The following SLC52A1 variants were observed in gnomAD, a reference collection of about 807,000 sequenced individuals.
SLC52A1 encodes solute carrier family 52, riboflavin transporter, member 1.
Under a neutral mutation model 23.2 loss-of-function variants are expected in SLC52A1, and 20 were observed. The observed-to-expected ratio is 0.86, with a 90% CI of 0.61 to 1.25. SLC52A1 has a LOEUF of 1.25. Among genes scored for constraint, SLC52A1 ranks in the 50% most tolerant of loss-of-function variants. The probability of loss-of-function intolerance (pLI) is 0.00; values close to 1 mark genes in which losing one functional copy is unlikely to be tolerated. For synonymous variants in SLC52A1, 260 were observed against 256.6 expected, an observed-to-expected ratio of 1.01 and a Z score of -0.13; for missense variants, 528 against 557.0, an observed-to-expected ratio of 0.95 and a Z score of 0.52.
In SLC52A1 at chr17:5,033,828, G is replaced by A. The variant is rs1597876062; in HGVS notation, c.661C>T (p.Leu221=). Residue 221 remains leucine, a synonymous_variant, in exon 3 of 5, where the codon CTA becomes TTA. Transcript: ENST00000254853. ...FRGLLLLLPS[L]PSVTTGGSGP... is the part of the protein sequence containing the mutation. ...GAGCCCCCTGTGGTTACAGAGGGTA[G>A]TGATGGCAACAGCAACAGGAGACCC... The A allele has an allele frequency of 1.9e-6, 3 of 1,614,142 alleles. No homozygotes were observed. The highest frequency in any genetic ancestry group is 1.1e-5 in the South Asian group (1 of 91,094).
Position 5,033,095 on chromosome 17 carries a change from C to T in SLC52A1, c.1209G>A (p.Gly403=), listed in dbSNP as rs1184022632. The change falls in exon 5 of 5, where the codon GGG becomes GGA. Residue 403 remains glycine, a synonymous_variant. Transcript: ENST00000254853. ...KVAASSLLHG[G]GRPALLAAGV... ...CAGCTGCCAGCAATGCCGGCCGACCCCCACCATGCAGCAGGGAGCTTGCAG... is the reference window on the plus strand; with the variant it reads ...CAGCTGCCAGCAATGCCGGCCGACCTCCACCATGCAGCAGGGAGCTTGCAG... 2 of 1,613,772 alleles carry T rather than the reference C, an allele frequency of 1.2e-6. No individual in the cohort carries two copies. The highest frequency in any genetic ancestry group is 1.3e-5 in the African/African-American group (1 of 75,034).
rs1597874203 is a variant in SLC52A1 at position 5,032,715 on chromosome 17, C to G, written c.*242G>C. 2.2e-6 allele frequency: 1 copy of G among 457,450 alleles called. No individual in the cohort carries two copies. The highest frequency in any genetic ancestry group is 3.1e-5 in the East Asian group (1 of 31,956). 28.3% of individuals were successfully genotyped at this position (457,450 alleles called of 1,614,324 possible). A position where few individuals can be genotyped will look rare whatever the true frequency, so the allele number is the denominator to read the frequency against. ...TTTTAAATAAAAACACTTTATTGCACAAATCCCACAAAGGTCTCAGGCCCT... is the reference window on the plus strand; with the variant it reads ...TTTTAAATAAAAACACTTTATTGCAGAAATCCCACAAAGGTCTCAGGCCCT... On this transcript the variant is annotated 3_prime_UTR_variant, in exon 5 of 5. Coordinates refer to ENST00000254853, the MANE Select transcript of SLC52A1 (RefSeq NM_017986.4).
upstream of SLC52A1, among the ~76,000 whole-genome samples, chr17:5,035,681 G>GT (rs373073872): frequency 2.6e-5 from 4 of 152,236 alleles, no homozygotes; most frequent in African/African-American, 9.6e-5. Flanking sequence ...GGGTTTTGTT[G>GT]TTTGTTGTTT....
chr17:5,035,826 C>G (rs562146619), upstream of SLC52A1, among the ~76,000 whole-genome samples: 2 of 151,618 alleles, frequency 1.3e-5, no homozygotes, highest in Admixed American at 6.6e-5. Context: ...CTCCCCACCC[C>G]CCCACAAGTA....
rs759192144 is a variant in SLC52A1, at chr17:5,033,551, T to C, written c.938A>G (p.Tyr313Cys). The change falls in exon 3 of 5, where the codon TAC becomes TGC. Residue 313 changes from tyrosine to cysteine, a missense_variant. Coordinates refer to ENST00000254853, the MANE Select transcript of SLC52A1 (RefSeq NM_017986.4). The part of the protein sequence containing the change: ...FSCLPYGRLA[Y>C]HLAVVLGSAA... ...ACTGCCCAGCACCACAGCCAGGTGG[T>C]AGGCCAGGCGCCCATAGGGCAAACA... 1 of 1,613,862 alleles carries C rather than the reference T, an allele frequency of 6.2e-7. No homozygotes were observed. Among genetic ancestry groups the C allele is most frequent in the Non-Finnish European group, 8.5e-7 (1 of 1,180,000 alleles).
Position 5,033,860 on chromosome 17 carries a change from G to A in SLC52A1, c.629C>T (p.Ala210Val), listed in dbSNP as rs759895250. The A allele has an allele frequency of 2.5e-6, 4 of 1,614,138 alleles. No individual in the cohort carries two copies. Among genetic ancestry groups the A allele is most frequent in the Non-Finnish European group, 2.5e-6 (3 of 1,180,062 alleles). Residue 210 changes from alanine (A) to valine (V), a missense_variant, in exon 3 of 5, where the codon GCC (alanine) becomes GTC (valine). Ala to Val is a moderately conservative substitution (Grantham distance 64). Transcript: ENST00000254853. Reference sequence around the variant, plus strand: ...CAACAGCAACAGGAGACCCCGGAAGGCGGCAGCTGAAGTGACCAGAAGGGC... The same window carrying A: ...CAACAGCAACAGGAGACCCCGGAAGACGGCAGCTGAAGTGACCAGAAGGGC... Reference protein sequence around the residue: ...LTALLVTSAAAFRGLLLLLPS... With the variant: ...LTALLVTSAAVFRGLLLLLPS...
At chr17:5,041,293 T>C (rs1975541883) in intron 1 of SLC52A1, among the ~76,000 whole-genome samples, 1 of 151,876 alleles carries the variant, frequency 6.6e-6, no homozygotes, top group Non-Finnish European at 1.5e-5. Context: ...TATTTATTTA[T>C]TTATTTTGAG....
rs1366875466 is a variant in SLC52A1, at chr17:5,033,682, A to G, written c.807T>C (p.Pro269=). The G allele has an allele frequency of 6.2e-7, 1 of 1,613,992 alleles. No homozygotes were observed. The highest frequency in any genetic ancestry group is 1.1e-5 in the South Asian group (1 of 91,088). Reference sequence around the variant, plus strand: ...GGGCTGAGAACAGCTGATGGGCCTCAGGGTCTGGGCCAGGGATGGTGCCTG... The same window carrying G: ...GGGCTGAGAACAGCTGATGGGCCTCGGGGTCTGGGCCAGGGATGGTGCCTG... ...QAAGTIPGPD[P]EAHQLFSAHG... Residue 269 remains proline (P), a synonymous_variant, in exon 3 of 5, where the codon CCT becomes CCC. Coordinates refer to ENST00000254853, the MANE Select transcript of SLC52A1 (RefSeq NM_017986.4).
intron 1 of SLC52A1, among the ~76,000 whole-genome samples, chr17:5,042,297 C>T (rs1317524755): frequency 6.6e-6 from 1 of 152,122 alleles, no homozygotes; most frequent in African/African-American, 2.4e-5. Flanking sequence ...CCTCTTGAAC[C>T]CCTGTCCCAC....
At chr17:5,036,416 T>TGAGA (rs748361268), upstream of SLC52A1, among the ~76,000 whole-genome samples, 1 of 112,620 alleles carries the variant, frequency 8.9e-6, no homozygotes, top group Non-Finnish European at 1.9e-5. Flanking sequence ...TTTTTTTTTT[T>TGAGA]TTTTTTTTTT....
upstream of SLC52A1, among the ~76,000 whole-genome samples, chr17:5,035,667 G>A (rs181996550): frequency 7.2e-5 from 11 of 152,298 alleles, no homozygotes; most frequent in Non-Finnish European, 1.3e-4. Flanking sequence ...AGCCCACACA[G>A]CTGGGGTTTT....
At chr17:5,037,958 G>A (rs1383820135), upstream of SLC52A1, among the ~76,000 whole-genome samples, 11 of 120,758 alleles carry the variant, frequency 9.1e-5, no homozygotes, top group African/African-American at 1.3e-4. Context: ...TCACTGTGTC[G>A]CCCAGGCTGG....
chr17:5,040,683 C>T (rs942083667), intron 1 of SLC52A1, among the ~76,000 whole-genome samples: 1 of 152,188 alleles, frequency 6.6e-6, no homozygotes, highest in South Asian at 2.1e-4. Flanking sequence ...GAAGATCCCT[C>T]TGCTCCTTGG....
chr17:5,037,633 T>C (rs1975488165), upstream of SLC52A1, among the ~76,000 whole-genome samples: 1 of 152,208 alleles, frequency 6.6e-6, no homozygotes, highest in Non-Finnish European at 1.5e-5. Flanking sequence ...AGGGCAGAGC[T>C]GAATGGTTTC....
rs779948527 is a variant in SLC52A1 at position 5,034,509 on chromosome 17, T to C, written c.98A>G (p.Glu33Gly). The part of the protein sequence containing the change: ...SWAAVNGIWV[E>G]LPVVVKDLPE... Reference sequence around the variant, plus strand: ...AAGGTCTTTTACCACCACAGGCAGCTCCACCCAGATCCCGTTCACAGCAGC... The same window carrying C: ...AAGGTCTTTTACCACCACAGGCAGCCCCACCCAGATCCCGTTCACAGCAGC... The change falls in exon 2 of 5, where the codon GAG becomes GGG. Residue 33 changes from glutamate to glycine, a missense_variant. Transcript: ENST00000254853. 1.2e-6 allele frequency: 2 copies of C among 1,614,046 alleles called. No homozygotes were observed. The highest frequency in any genetic ancestry group is 1.7e-6 in the Non-Finnish European group (2 of 1,180,012).
intron 2 of SLC52A1, 51 bp downstream of exon 2, chr17:5,034,426 C>T (rs1331119340): frequency 3.1e-6 from 5 of 1,610,240 alleles, no homozygotes; most frequent in Non-Finnish European, 3.4e-6. Flanking sequence ...CCACAGGCCA[C>T]CTTTCTGGGC....
intron 1 of SLC52A1, among the ~76,000 whole-genome samples, chr17:5,040,545 C>T (rs967511107): frequency 5.9e-5 from 9 of 152,232 alleles, no homozygotes; most frequent in African/African-American, 1.4e-4. Flanking sequence ...TTCGACACTA[C>T]GTGCCTCAAA....
rs752972611 is a variant in SLC52A1 at position 5,033,862 on chromosome 17, G to A, written c.627C>T (p.Ala209=). 49 of 1,614,138 alleles carry A rather than the reference G, an allele frequency of 3.0e-5. No individual in the cohort carries two copies. The East Asian group carries it at 3.3e-4, about 11-fold the overall frequency. Residue 209 remains alanine (A), a synonymous_variant, in exon 3 of 5, where the codon GCC becomes GCT. Transcript: ENST00000254853. ...ALTALLVTSA[A]AFRGLLLLLP... ...ACAGCAACAGGAGACCCCGGAAGGC[G>A]GCAGCTGAAGTGACCAGAAGGGCAG... is the stretch of plus-strand genomic sequence containing the variant.
Position 5,032,785 on chromosome 17 carries a change from G to T in SLC52A1, c.*172C>A. Reference sequence around the variant, plus strand: ...CAACCTGTCCCCTGGCTCTGGGCCTGGTCTTTGGTGCCCACCCTGGCCTCA... The same window carrying T: ...CAACCTGTCCCCTGGCTCTGGGCCTTGTCTTTGGTGCCCACCCTGGCCTCA... On this transcript the variant is annotated 3_prime_UTR_variant, in exon 5 of 5. Coordinates refer to ENST00000254853, the MANE Select transcript of SLC52A1 (RefSeq NM_017986.4). 2 of 638,178 alleles carry T rather than the reference G, an allele frequency of 3.1e-6. No homozygotes were observed. The highest frequency in any genetic ancestry group is 5.5e-5 in the East Asian group (2 of 36,234). The allele number at this position is 638,178 out of a possible 1,614,324, so 39.5% of individuals were successfully genotyped here.
Sources: allele counts gnomAD v4.1 joint callset (sites outside exome capture counted in the v4.1 genomes callset), GRCh38; gene constraint gnomAD v4.1.1; transcripts MANE v1.5; gene names NCBI Gene and HGNC (gene_info 2026-07-23, HGNC 2026-07-21).